Variants in NPHP4 observed in about 807,000 individuals in gnomAD.
NPHP4 encodes the protein nephrocystin 4.
Under a neutral mutation model 155.8 loss-of-function variants are expected in NPHP4, and 151 were observed. The ratio of observed to expected loss-of-function variants is 0.97; its 90% CI spans 0.85 to 1.11. The LOEUF (loss-of-function observed/expected upper bound fraction) is 1.11, where lower values mean the gene tolerates loss of function less well. Among genes scored for constraint, NPHP4 ranks in the 50% least tolerant of loss-of-function variants. NPHP4 has a pLI of 0.00. For synonymous variants in NPHP4, 845 were observed against 816.8 expected, an observed-to-expected ratio of 1.03 and a Z score of -0.59; for missense variants, 1,956 against 1,925.7, an observed-to-expected ratio of 1.02 and a Z score of -0.29.
chr1:5,878,104 C>T (rs911745022), intron 19 of NPHP4, among the ~76,000 whole-genome samples: 2 of 152,198 alleles, frequency 1.3e-5, no homozygotes, highest in Non-Finnish European at 2.9e-5. Context: ...AGCTTACCAG[C>T]TTAGGGCCTG....
intron 1 of NPHP4, among the ~76,000 whole-genome samples, chr1:5,987,678 C>T (rs1351384760): frequency 2.0e-5 from 3 of 152,202 alleles, no homozygotes; most frequent in Non-Finnish European, 4.4e-5. Flanking sequence ...ATGGAAAATA[C>T]ACAACAAGCA....
intron 22 of NPHP4, chr1:5,873,578 T>G: frequency 3.5e-6 from 2 of 574,242 alleles, no homozygotes; most frequent in East Asian, 5.9e-5. Flanking sequence ...AGGCCTGAGG[T>G]CCCACCTGCA....
At chr1:5,924,276 G>C (rs901717454) in intron 11 of NPHP4, among the ~76,000 whole-genome samples, 3 of 152,106 alleles carry the variant, frequency 2.0e-5, no homozygotes, top group African/African-American at 7.2e-5. Flanking sequence ...ACACGTAACT[G>C]GGGCCTCTGA....
chr1:5,866,937 TGAA>T (rs1311401134), intron 25 of NPHP4, 90 bp downstream of exon 25: 7 of 945,492 alleles, frequency 7.4e-6, no homozygotes, highest in Non-Finnish European at 1.2e-5. Flanking sequence ...AAACCTAAAA[TGAA>T]GAGGATCCCA....
intron 4 of NPHP4, 149 bp from the exon 5 acceptor site, chr1:5,967,512 C>T (rs1261368381): frequency 6.1e-6 from 4 of 652,558 alleles, no homozygotes; most frequent in Non-Finnish European, 1.1e-5. Flanking sequence ...GCAGCTGAGG[C>T]CAGCAGCAGC....
chr1:5,944,139 TAGA>T lies in NPHP4; in HGVS notation c.1119+2962_1119+2964del. 6.6e-6 allele frequency among the ~76,000 whole-genome samples: 1 copy of T among 152,250 alleles called. No homozygotes were observed. The highest frequency in any genetic ancestry group is 1.9e-4 in the East Asian group (1 of 5,188). ...TCAAAACGGGTTGTGGGAGAGGACA[TAGA>T]AGAAGCAGATTGTCCAGGAAGCTGG... On this transcript the variant is annotated intron_variant, in intron 9 of 29. Transcript: ENST00000378156. This position sits in a 1 kb window ranked among gnomAD's most constrained non-coding sequence, Gnocchi z 4.3.
chr1:5,942,357 C>T (rs1463159204), intron 9 of NPHP4, among the ~76,000 whole-genome samples: 1 of 151,652 alleles, frequency 6.6e-6, no homozygotes, highest in Non-Finnish European at 1.5e-5. Context: ...TGGTAAAACC[C>T]CATCTCTACT....
In NPHP4 at chr1:5,986,373, A is replaced by C. The variant is rs1230256400; in HGVS notation, c.-38-46T>G. 12 of 1,473,260 alleles carry C rather than the reference A, an allele frequency of 8.1e-6. No homozygotes were observed. In the African/African-American group the frequency reaches 1.7e-4, roughly 21 times the overall value. 91.3% of individuals were successfully genotyped at this position (1,473,260 alleles called of 1,614,324 possible). A position where few individuals can be genotyped will look rare whatever the true frequency, so the allele number is the denominator to read the frequency against. On this transcript the variant is annotated intron_variant, in intron 1 of 29. Transcript: ENST00000378156. Reference sequence around the variant, plus strand: ...TAAAGAGAAGAGCTGTGAGGGCTACAGTGGTCACAGCAATCCTGAAGGCTT... The same window carrying C: ...TAAAGAGAAGAGCTGTGAGGGCTACCGTGGTCACAGCAATCCTGAAGGCTT...
chr1:5,925,869 C>T (rs1645977818), intron 11 of NPHP4, among the ~76,000 whole-genome samples: 1 of 152,230 alleles, frequency 6.6e-6, no homozygotes, highest in African/African-American at 2.4e-5. Context: ...CCTGCCTCGG[C>T]CTCCCAAAGT....
At chr1:5,964,938 T>TAC (rs1189557232) in intron 5 of NPHP4, among the ~76,000 whole-genome samples, 1 of 42,480 alleles carries the variant, frequency 2.4e-5, no homozygotes, top group Non-Finnish European at 4.1e-5. Context: ...TATATATATA[T>TAC]ATATTTTTTT....
intron 23 of NPHP4, among the ~76,000 whole-genome samples, chr1:5,869,010 TAC>T (rs138080947): frequency 0.28 from 23,973 of 84,478 alleles, 2,172 homozygotes; most frequent in African/African-American, 0.32. Context: ...CACGCACCCA[TAC>T]ACACACACAT....
At chr1:5,899,418 C>G (rs1045942000) in intron 16 of NPHP4, among the ~76,000 whole-genome samples, 1 of 152,136 alleles carries the variant, frequency 6.6e-6, no homozygotes, top group African/African-American at 2.4e-5. Context: ...GAACATAAAA[C>G]ATGATCCCAC....
intron 9 of NPHP4, among the ~76,000 whole-genome samples, chr1:5,946,039 ATTG>A (rs1486949004): frequency 6.6e-6 from 1 of 152,100 alleles, no homozygotes; most frequent in Non-Finnish European, 1.5e-5. Context: ...GTTCTATTTT[ATTG>A]TTATTGTTGT....
At chr1:5,961,652 A>G in intron 6 of NPHP4, 142 bp downstream of exon 6, 1 of 706,890 alleles carries the variant, frequency 1.4e-6, no homozygotes, top group Non-Finnish European at 2.4e-6. Context: ...TGTCCCCCAC[A>G]ACCCCCGCCA....
chr1:5,894,958 A>G (rs922919802), intron 16 of NPHP4, among the ~76,000 whole-genome samples: 9 of 152,204 alleles, frequency 5.9e-5, no homozygotes, highest in Non-Finnish European at 1.0e-4. Flanking sequence ...GATAGACTGG[A>G]TTAAGAAGAT....
chr1:5,947,655 G>A (rs1647181724), intron 8 of NPHP4, among the ~76,000 whole-genome samples: 1 of 152,228 alleles, frequency 6.6e-6, no homozygotes, highest in Non-Finnish European at 1.5e-5. Flanking sequence ...CCATGAGAGA[G>A]GAAAGGCATG....
At chr1:5,988,775 G>A (rs1446407378) in intron 1 of NPHP4, among the ~76,000 whole-genome samples, 2 of 151,234 alleles carry the variant, frequency 1.3e-5, no homozygotes, top group Admixed American at 6.6e-5. Flanking sequence ...TCCACCCACA[G>A]TGCACCCAGA....
rs1046972283 is a variant in NPHP4 at position 5,910,230 on chromosome 1, G to A, written c.1442-1017C>T. Among the ~76,000 whole-genome samples, 1 of 152,106 alleles carries A rather than the reference G, an allele frequency of 6.6e-6. No individual in the cohort carries two copies. The highest frequency in any genetic ancestry group is 2.4e-5 in the African/African-American group (1 of 41,408). On this transcript the variant is annotated intron_variant, in intron 11 of 29. Transcript: ENST00000378156. This position sits in a 1 kb window ranked among gnomAD's most constrained non-coding sequence, Gnocchi z 5.4. ...GGGAGCCCTGCACACTGAGTCATCT[G>A]CCTGGCTTCCCTGAGGCCCACAGCC...
At chr1:5,990,447 GA>G (rs796623519) in intron 1 of NPHP4, among the ~76,000 whole-genome samples, 127 of 145,276 alleles carry the variant, frequency 8.7e-4, no homozygotes, top group Middle Eastern at 3.5e-3. Context: ...CTCTCCAGGG[GA>G]AAAAAAAAAA....
Sources: allele counts gnomAD v4.1 joint callset (sites outside exome capture counted in the v4.1 genomes callset), GRCh38; gene constraint gnomAD v4.1.1; non-coding constraint Gnocchi (gnomAD v3.1); transcripts MANE v1.5; gene names NCBI Gene and HGNC (gene_info 2026-07-23, HGNC 2026-07-21).